NOTO: variants seen among roughly 807,000 people sequenced by gnomAD.
NOTO encodes homeobox protein notochord.
In NOTO, 19 loss-of-function variants were observed where a neutral mutation model predicts 20.5. The ratio of observed to expected loss-of-function variants is 0.93; its 90% CI spans 0.65 to 1.36. The LOEUF (loss-of-function observed/expected upper bound fraction) is 1.36, where lower values mean the gene tolerates loss of function less well. NOTO is among the 40% of genes most tolerant of loss of function. The probability of loss-of-function intolerance (pLI) is 0.00; values close to 1 mark genes in which losing one functional copy is unlikely to be tolerated. For synonymous variants in NOTO, 150 were observed against 150.2 expected (o/e 1.00, Z 0.01); for missense variants, 369 against 336.2 (o/e 1.10, Z -0.76).
At chr2:73,209,218 A>T (rs527603226) in intron 2 of NOTO, among the ~76,000 whole-genome samples, 1 of 151,852 alleles carries the variant, frequency 6.6e-6, no homozygotes, top group African/African-American at 2.4e-5. Flanking sequence ...AATTAAGTAG[A>T]TATTAAAGAG....
intron 1 of NOTO, among the ~76,000 whole-genome samples, chr2:73,205,536 A>C (rs1686077775): frequency 6.6e-6 from 1 of 152,254 alleles, no homozygotes; most frequent in Non-Finnish European, 1.5e-5. Flanking sequence ...AACTGTAATG[A>C]ACTACAAATG....
At chr2:73,204,894 T>TA (rs1162755145) in intron 1 of NOTO, among the ~76,000 whole-genome samples, 2 of 142,962 alleles carry the variant, frequency 1.4e-5, no homozygotes, top group Non-Finnish European at 3.0e-5. Context: ...TTTATTTTTT[T>TA]TTTTTGAGGC....
chr2:73,205,015 G>A (rs1300382138), intron 1 of NOTO, among the ~76,000 whole-genome samples: 1 of 151,788 alleles, frequency 6.6e-6, no homozygotes, highest in African/African-American at 2.4e-5. Flanking sequence ...CGAGTAGCTG[G>A]TACTGCAGGC....
At position 73,204,944 on chromosome 2, in the gene NOTO, A is replaced by C. The variant is rs1240805354; in HGVS notation, c.382+1896A>C. Among the ~76,000 whole-genome samples the C allele has an allele frequency of 3.2e-4, 45 of 140,888 alleles. 2 individuals are homozygous for C. Among genetic ancestry groups the C allele is most frequent in the South Asian group, 2.2e-4 (1 of 4,546 alleles). The allele number at this position is 140,888 out of a possible 152,430, so 92.4% of individuals were successfully genotyped here. ...TCCTTAGGCTGGAGTGCAGTGGTGC[A>C]ATCTCGGCTCACTGCAAGCTCCGCC... On this transcript the variant is annotated intron_variant, in intron 1 of 2. Coordinates refer to ENST00000398468, the MANE Select transcript of NOTO (RefSeq NM_001134462.2).
At chr2:73,205,026 A>G (rs1686071239) in intron 1 of NOTO, among the ~76,000 whole-genome samples, 1 of 151,780 alleles carries the variant, frequency 6.6e-6, no homozygotes. Context: ...TACTGCAGGC[A>G]CATGCCGCCA....
intron 1 of NOTO, among the ~76,000 whole-genome samples, chr2:73,205,994 C>A (rs1686083808): frequency 6.6e-6 from 1 of 152,218 alleles, no homozygotes; most frequent in African/African-American, 2.4e-5. Context: ...GCCTCAGCCT[C>A]CCAAACTGCT....
At chr2:73,203,463 GT>G (rs111499368) in intron 1 of NOTO, among the ~76,000 whole-genome samples, 36,695 of 146,990 alleles carry the variant, frequency 0.25, 5,400 homozygotes, top group African/African-American at 0.43. Context: ...CAATGGCCCT[GT>G]TTTTTTTTTT....
chr2:73,205,025 C>A (rs1365384240), intron 1 of NOTO, among the ~76,000 whole-genome samples: 2 of 151,876 alleles, frequency 1.3e-5, no homozygotes, highest in African/African-American at 4.8e-5. Context: ...GTACTGCAGG[C>A]ACATGCCGCC....
chr2:73,208,972 G>A (rs1001979042), intron 2 of NOTO, among the ~76,000 whole-genome samples: 4 of 152,120 alleles, frequency 2.6e-5, no homozygotes, highest in African/African-American at 9.6e-5. Flanking sequence ...AGATCACAAG[G>A]TCAGGAGTTC....
intron 2 of NOTO, 75 bp from the exon 3 acceptor site, chr2:73,210,696 G>A (rs911872341): frequency 1.7e-5 from 22 of 1,273,128 alleles, no homozygotes; most frequent in Non-Finnish European, 2.2e-5. Flanking sequence ...GCAGAGAGGG[G>A]TGTTCACTCC....
Position 73,202,746 on chromosome 2 carries a change from C to G in NOTO, c.80C>G (p.Ser27Cys). The change falls in exon 1 of 3, where the codon TCT becomes TGT. Residue 27 changes from serine (S) to cysteine (C), a missense_variant. By Grantham distance (112) the Ser-to-Cys change is moderately radical. Transcript: ENST00000398468. Reference protein sequence around the residue: ...SRVRPPRSGRSPAPRSPTGPN... With the variant: ...SRVRPPRSGRCPAPRSPTGPN... ...GTCCGACCTCCGCGCTCTGGCCGCT[C>G]TCCGGCGCCCAGGTCCCCTACTGGC... The G allele has an allele frequency of 6.6e-7, 1 of 1,520,030 alleles. No homozygotes were observed. Among genetic ancestry groups the G allele is most frequent in the East Asian group, 2.6e-5 (1 of 38,198 alleles). 94.2% of individuals were successfully genotyped at this position (1,520,030 alleles called of 1,614,324 possible). A position where few individuals can be genotyped will look rare whatever the true frequency, so the allele number is the denominator to read the frequency against.
intron 1 of NOTO, among the ~76,000 whole-genome samples, chr2:73,204,167 A>T (rs960459519): frequency 2.6e-5 from 4 of 151,148 alleles, no homozygotes; most frequent in African/African-American, 9.7e-5. Flanking sequence ...AATCCCAGCT[A>T]CTCAGGAGGC....
At position 73,202,934 on chromosome 2, in the gene NOTO, C is replaced by T. The variant is rs1311444384; in HGVS notation, c.268C>T (p.Leu90=). The change falls in exon 1 of 3, where the codon CTG becomes TTG. Residue 90 remains leucine, a synonymous_variant. Transcript: ENST00000398468. ...TGCTTCCCTGTGCGCCACCGGGGGT[C>T]TGCCCTGGGCTTGCCCGACATCGTG... is the stretch of plus-strand genomic sequence containing the variant. ...TAASLCATGG[L]PWACPTSWLP... is the part of the protein sequence containing the mutation. The T allele has an allele frequency of 6.6e-7, 1 of 1,519,370 alleles. No homozygotes were observed. The highest frequency in any genetic ancestry group is 8.8e-7 in the Non-Finnish European group (1 of 1,137,476). 94.1% of individuals were successfully genotyped at this position (1,519,370 alleles called of 1,614,324 possible). A position where few individuals can be genotyped will look rare whatever the true frequency, so the allele number is the denominator to read the frequency against.
Position 73,208,495 on chromosome 2 carries a change from CG to C in NOTO, c.479del (p.Arg160GlnfsTer41). The part of the protein sequence containing the change: ...QDTERQQKRV[R>X]TMFNLEQLEE... The stretch of plus-strand genomic sequence containing the variant: ...CACTGAGAGACAGCAAAAGAGAGTC[CG>C]AACTATGTTTAACTTGGAGCAGCTG... On this transcript the variant is annotated frameshift_variant, in exon 2 of 3. Coordinates refer to ENST00000398468, the MANE Select transcript of NOTO (RefSeq NM_001134462.2). LOFTEE classifies it high-confidence loss of function. 10 of 1,551,438 alleles carry C rather than the reference CG, an allele frequency of 6.4e-6. No individual in the cohort carries two copies. The highest frequency in any genetic ancestry group is 8.7e-6 in the Non-Finnish European group (10 of 1,146,808).
At chr2:73,204,229 G>C (rs1353070436) in intron 1 of NOTO, among the ~76,000 whole-genome samples, 1 of 152,146 alleles carries the variant, frequency 6.6e-6, no homozygotes, top group Admixed American at 6.5e-5. Flanking sequence ...ATTAAGCCGA[G>C]ATTGCGCCAC....
chr2:73,207,261 A>G (rs1291873276), intron 1 of NOTO, among the ~76,000 whole-genome samples: 1 of 152,050 alleles, frequency 6.6e-6, no homozygotes, highest in Non-Finnish European at 1.5e-5. Context: ...TAGTGGGCCC[A>G]GTGGTTGGAG....
In NOTO at chr2:73,202,859, G is replaced by T. The variant is rs1370149803; in HGVS notation, c.193G>T (p.Ala65Ser). 9 of 1,526,174 alleles carry T rather than the reference G, an allele frequency of 5.9e-6. No individual in the cohort carries two copies. The highest frequency in any genetic ancestry group is 7.0e-6 in the Non-Finnish European group (8 of 1,142,136). 94.5% of individuals were successfully genotyped at this position (1,526,174 alleles called of 1,614,324 possible). ...GAGGCCCGACCCCTGCGCGCCGGCG[G>T]CCTCCCAGCCGTCGGGCTCCGCCTG... ...LARPDPCAPA[A>S]SQPSGSACVH... Residue 65 changes from alanine (A) to serine (S), a missense_variant, in exon 1 of 3, where the codon GCC (alanine) becomes TCC (serine). Ala to Ser is a moderately conservative substitution (Grantham distance 99). Transcript: ENST00000398468.
intron 1 of NOTO, among the ~76,000 whole-genome samples, chr2:73,203,280 G>C (rs1413662792): frequency 6.6e-6 from 1 of 152,238 alleles, no homozygotes; most frequent in Non-Finnish European, 1.5e-5. Flanking sequence ...TGAGGTGGGA[G>C]AGGGTGGGTG....
Position 73,202,842 on chromosome 2 carries a change from A to C in NOTO, c.176A>C (p.Asp59Ala). The part of the protein sequence containing the change: ...FSVEAILARP[D>A]PCAPAASQPS... ...GTCGAGGCCATCCTGGCGAGGCCCGACCCCTGCGCGCCGGCGGCCTCCCAG... is the reference window on the plus strand; with the variant it reads ...GTCGAGGCCATCCTGGCGAGGCCCGCCCCCTGCGCGCCGGCGGCCTCCCAG... The change falls in exon 1 of 3, where the codon GAC becomes GCC. Residue 59 changes from aspartate (D) to alanine (A), a missense_variant. Asp to Ala is a moderately radical substitution (Grantham distance 126). Coordinates refer to ENST00000398468, the MANE Select transcript of NOTO (RefSeq NM_001134462.2). 2 of 1,521,860 alleles carry C rather than the reference A, an allele frequency of 1.3e-6. No individual in the cohort carries two copies. The highest frequency in any genetic ancestry group is 1.7e-4 in the Middle Eastern group (1 of 5,922). 94.3% of individuals were successfully genotyped at this position (1,521,860 alleles called of 1,614,324 possible). A position where few individuals can be genotyped will look rare whatever the true frequency, so the allele number is the denominator to read the frequency against.
Sources: allele counts gnomAD v4.1 joint callset (sites outside exome capture counted in the v4.1 genomes callset), GRCh38; gene constraint gnomAD v4.1.1; transcripts MANE v1.5; gene names NCBI Gene and HGNC (gene_info 2026-07-23, HGNC 2026-07-21).